Variants in GPC6 observed in about 807,000 individuals in gnomAD.
The protein encoded by GPC6 is glypican 6.
In GPC6, 14 loss-of-function variants were observed where a neutral mutation model predicts 55.2. The ratio of observed to expected loss-of-function variants is 0.25; its 90% CI spans 0.17 to 0.40. The LOEUF (loss-of-function observed/expected upper bound fraction) is 0.40, where lower values mean the gene tolerates loss of function less well. Ranked by LOEUF, GPC6 falls within the 10% of genes least tolerant of loss-of-function variation. The pLI is 1.00. For missense variants in GPC6, 641 were observed against 708.5 expected (o/e 0.90, Z 1.08); for synonymous variants, 278 against 259.6 (o/e 1.07, Z -0.68).
intron 3 of GPC6, among the ~76,000 whole-genome samples, chr13:93,883,935 A>G (rs1240965693): frequency 6.6e-6 from 1 of 152,190 alleles, no homozygotes; most frequent in Non-Finnish European, 1.5e-5. Flanking sequence ...AACACATAAA[A>G]TATATGTAAA....
chr13:94,236,829 C>T (rs968084871), intron 4 of GPC6, among the ~76,000 whole-genome samples: 8 of 151,402 alleles, frequency 5.3e-5, no homozygotes, highest in African/African-American at 1.9e-4. Context: ...AGAATGGAGA[C>T]AGAGTTCCTC....
chr13:94,395,887 C>G (rs1051704953), intron 7 of GPC6, among the ~76,000 whole-genome samples: 1 of 152,168 alleles, frequency 6.6e-6, no homozygotes, highest in Non-Finnish European at 1.5e-5. Flanking sequence ...GTGGCCCTGG[C>G]CCTCCAGGAC....
At chr13:93,972,502 C>T (rs1185557847) in intron 3 of GPC6, among the ~76,000 whole-genome samples, 2 of 152,038 alleles carry the variant, frequency 1.3e-5, no homozygotes. Flanking sequence ...TCAGGTTCCC[C>T]CCACTCCCAC....
At chr13:93,795,469 A>T (rs897483641) in intron 2 of GPC6, among the ~76,000 whole-genome samples, 1 of 152,166 alleles carries the variant, frequency 6.6e-6, no homozygotes, top group African/African-American at 2.4e-5. Flanking sequence ...AACACCTCTG[A>T]CAAAACTGCA....
At chr13:94,228,814 T>G (rs1424329773) in intron 4 of GPC6, among the ~76,000 whole-genome samples, 8 of 127,722 alleles carry the variant, frequency 6.3e-5, no homozygotes, top group Middle Eastern at 4.4e-3. Context: ...AAAAAAAAAG[T>G]CTAGACAGAT....
At chr13:94,307,201 GTAAC>G (rs935503922) in intron 6 of GPC6, among the ~76,000 whole-genome samples, 17 of 152,152 alleles carry the variant, frequency 1.1e-4, no homozygotes, top group East Asian at 9.6e-4. Context: ...AAATAAAGGG[GTAAC>G]TAACTGTTAC....
intron 1 of GPC6, among the ~76,000 whole-genome samples, chr13:93,237,087 A>G (rs1195985152): frequency 6.6e-6 from 1 of 152,178 alleles, no homozygotes; most frequent in Non-Finnish European, 1.5e-5. Context: ...GATAAACCCA[A>G]TAGTGGGATT....
At chr13:93,580,945 T>A (rs1212195248) in intron 2 of GPC6, among the ~76,000 whole-genome samples, 1 of 152,088 alleles carries the variant, frequency 6.6e-6, no homozygotes, top group African/African-American at 2.4e-5. Flanking sequence ...AATATAAAAG[T>A]GTTTTTTTTA....
intron 1 of GPC6, among the ~76,000 whole-genome samples, chr13:93,377,894 G>T (rs2139200141): frequency 6.6e-6 from 1 of 152,290 alleles, no homozygotes; most frequent in East Asian, 1.9e-4. Flanking sequence ...AAGAGGTAGG[G>T]TTGAAAAGTT....
At chr13:93,368,337 TTTCC>T (rs768601581) in intron 1 of GPC6, among the ~76,000 whole-genome samples, 16,049 of 92,078 alleles carry the variant, frequency 0.17, 1,722 homozygotes, top group African/African-American at 0.19. Flanking sequence ...CCCTCCCTGC[TTTCC>T]TTCCTTCCTT....
At chr13:94,228,345 A>G (rs528878606) in intron 4 of GPC6, among the ~76,000 whole-genome samples, 4 of 152,308 alleles carry the variant, frequency 2.6e-5, no homozygotes, top group African/African-American at 9.6e-5. Flanking sequence ...TTCACCCTTA[A>G]CACAAATACA....
chr13:93,539,927 G>T (rs1430714889), intron 1 of GPC6, among the ~76,000 whole-genome samples: 1 of 152,100 alleles, frequency 6.6e-6, no homozygotes. Flanking sequence ...ACGACCTCAG[G>T]TGATGTGCCT....
chr13:93,898,183 AATAACGATCCAAGTT>A (rs1876121127), intron 3 of GPC6, among the ~76,000 whole-genome samples: 1 of 152,142 alleles, frequency 6.6e-6, no homozygotes. Flanking sequence ...TAATGGTCCT[AATAACGATCCAAGTT>A]TGAGTTCAGA....
chr13:93,710,908 A>T (rs1883033803), intron 2 of GPC6, among the ~76,000 whole-genome samples: 1 of 151,834 alleles, frequency 6.6e-6, no homozygotes. Flanking sequence ...ACACCTTAAG[A>T]TAAACAATAT....
chr13:94,269,652 C>G (rs796426858), intron 4 of GPC6, among the ~76,000 whole-genome samples: 1 of 152,152 alleles, frequency 6.6e-6, no homozygotes, highest in South Asian at 2.1e-4. Flanking sequence ...GCGTCTTTCA[C>G]TCTGACACTG....
intron 1 of GPC6, among the ~76,000 whole-genome samples, chr13:93,387,878 T>C (rs576284222): frequency 5.3e-5 from 8 of 152,338 alleles, no homozygotes; most frequent in Non-Finnish European, 1.2e-4. Flanking sequence ...GTTTGCCTTT[T>C]ATGTATTTGT....
intron 3 of GPC6, chr13:94,025,611 A>C (rs1167803765): frequency 6.6e-6 from 1 of 152,130 alleles, no homozygotes; most frequent in Non-Finnish European, 1.5e-5. Context: ...ATTTGGCTCT[A>C]TCTACAAAAT....
At chr13:93,295,754 A>T (rs1465742849) in intron 1 of GPC6, among the ~76,000 whole-genome samples, 1 of 151,690 alleles carries the variant, frequency 6.6e-6, no homozygotes, top group Non-Finnish European at 1.5e-5. Flanking sequence ...GTCATCCAGG[A>T]GGGAGTGCAG....
chr13:93,695,533 A>G (rs1882422293), intron 2 of GPC6, among the ~76,000 whole-genome samples: 1 of 152,098 alleles, frequency 6.6e-6, no homozygotes, highest in African/African-American at 2.4e-5. Context: ...ATTTGAAAAT[A>G]ACTTTTATAA....
Sources: allele counts gnomAD v4.1 joint callset (sites outside exome capture counted in the v4.1 genomes callset), GRCh38; gene constraint gnomAD v4.1.1; transcripts MANE v1.5; gene names NCBI Gene and HGNC (gene_info 2026-07-23, HGNC 2026-07-21).